The following PARD3 variants were observed in gnomAD, a reference collection of about 807,000 sequenced individuals.
The protein encoded by PARD3 is par-3 family cell polarity regulator, also known as partitioning defective 3 homolog.
Under a neutral mutation model 155.4 loss-of-function variants are expected in PARD3, and 75 were observed. That is an observed-to-expected ratio of 0.48 (90% CI 0.40 to 0.58). The LOEUF is 0.58. PARD3 is among the 20% of genes least tolerant of loss of function. The probability of loss-of-function intolerance (pLI) is 0.00; values close to 1 mark genes in which losing one functional copy is unlikely to be tolerated. For synonymous variants in PARD3, 576 were observed against 610.5 expected, an observed-to-expected ratio of 0.94 and a Z score of 0.83; for missense variants, 1,642 against 1,721.7, an observed-to-expected ratio of 0.95 and a Z score of 0.82.
At chr10:34,718,095 A>T (rs1345229181) in intron 1 of PARD3, among the ~76,000 whole-genome samples, 1 of 149,292 alleles carries the variant, frequency 6.7e-6, no homozygotes, top group Non-Finnish European at 1.5e-5. Context: ...AGGAGGCTGC[A>T]GTGAGCCAAG....
intron 13 of PARD3, 125 bp downstream of exon 13, chr10:34,359,946 T>G: frequency 1.4e-6 from 1 of 694,426 alleles, no homozygotes. Context: ...GTTGTTTAAA[T>G]GTGAATGTGG....
At chr10:34,597,111 G>C (rs2089342810) in intron 2 of PARD3, among the ~76,000 whole-genome samples, 1 of 152,080 alleles carries the variant, frequency 6.6e-6, no homozygotes, top group African/African-American at 2.4e-5. Flanking sequence ...AGTACTGAAA[G>C]GCATTAGCAA....
At position 34,814,975 on chromosome 10, in the gene PARD3, G is replaced by A. The variant is rs746783218; in HGVS notation, c.21C>T (p.Phe7=). 3.5e-5 allele frequency: 54 copies of A among 1,541,876 alleles called. No homozygotes were observed. The highest frequency in any genetic ancestry group is 1.9e-4 in the Middle Eastern group (1 of 5,338). The part of the protein sequence containing the change: MKVTVC[F]GRTRVVVPCG... ...ACGGCACGACCACCCGGGTCCGTCC[G>A]AAGCACACGGTCACTTTCATGCCGC... Residue 7 remains phenylalanine (F), a synonymous_variant, in exon 1 of 25, where the codon TTC becomes TTT. Transcript: ENST00000374788.
At chr10:34,607,160 C>T (rs541171346) in intron 2 of PARD3, among the ~76,000 whole-genome samples, 19 of 152,148 alleles carry the variant, frequency 1.2e-4, no homozygotes, top group African/African-American at 2.9e-4. Context: ...TTACAGATTT[C>T]GAAACTGACA....
intron 5 of PARD3, among the ~76,000 whole-genome samples, chr10:34,430,397 G>A (rs2075842213): frequency 6.6e-6 from 1 of 152,106 alleles, no homozygotes; most frequent in Non-Finnish European, 1.5e-5. Flanking sequence ...TCCATTTTAA[G>A]CAGCAAGTTG....
At chr10:34,350,364 G>A (rs1837919200) in intron 14 of PARD3, among the ~76,000 whole-genome samples, 1 of 152,152 alleles carries the variant, frequency 6.6e-6, no homozygotes, top group Non-Finnish European at 1.5e-5. Context: ...TTAAGCTTCG[G>A]TTGGGCACAG....
chr10:34,737,825 G>A (rs771416198), intron 1 of PARD3, among the ~76,000 whole-genome samples: 1 of 152,168 alleles, frequency 6.6e-6, no homozygotes, highest in Non-Finnish European at 1.5e-5. Context: ...AATGAACTAA[G>A]ACACACAGCA....
At chr10:34,211,932 A>T (rs911074343) in intron 22 of PARD3, among the ~76,000 whole-genome samples, 2 of 151,926 alleles carry the variant, frequency 1.3e-5, no homozygotes, top group African/African-American at 4.8e-5. Flanking sequence ...ATTTGGGGAC[A>T]CTACACTTCC....
rs778398416 is a variant in PARD3, at chr10:34,348,100, T to A, written c.2083A>T (p.Ser695Cys). 6 of 1,608,896 alleles carry A rather than the reference T, an allele frequency of 3.7e-6. No homozygotes were observed. Among genetic ancestry groups the A allele is most frequent in the South Asian group, 1.1e-5 (1 of 89,656 alleles). The change falls in exon 15 of 25, where the codon AGC becomes TGC. Residue 695 changes from serine to cysteine, a missense_variant. This residue lies in a region of PARD3 where 1,529 missense variants were observed against 1,587.3 expected (regional missense o/e 0.96). Coordinates refer to ENST00000374788, the MANE Select transcript of PARD3 (RefSeq NM_001184785.2). ...ATGGGCAGCTCAGGTCCAGGGGGGCTCCCAGGTGACTTCAGCTACAGAGTA... is the reference window on the plus strand; with the variant it reads ...ATGGGCAGCTCAGGTCCAGGGGGGCACCCAGGTGACTTCAGCTACAGAGTA... ...SKCNELKSPG[S>C]PPGPELPIET...
intron 1 of PARD3, among the ~76,000 whole-genome samples, chr10:34,747,866 C>A (rs527892387): frequency 6.6e-6 from 1 of 152,230 alleles, no homozygotes; most frequent in African/African-American, 2.4e-5. Flanking sequence ...GGCTCTCTCT[C>A]CCTGCCTTTC....
At chr10:34,659,532 G>A (rs2093268808) in intron 2 of PARD3, among the ~76,000 whole-genome samples, 1 of 152,102 alleles carries the variant, frequency 6.6e-6, no homozygotes, top group Non-Finnish European at 1.5e-5. Flanking sequence ...ATAGGATAAT[G>A]CTAGATGATA....
intron 7 of PARD3, among the ~76,000 whole-genome samples, chr10:34,395,002 A>G (rs952056057): frequency 4.6e-5 from 7 of 151,948 alleles, no homozygotes; most frequent in Non-Finnish European, 7.4e-5. Flanking sequence ...CTTCCTGAAA[A>G]TAGTGGCATT....
chr10:34,377,734 T>C (rs1841395564), intron 10 of PARD3, among the ~76,000 whole-genome samples: 1 of 152,016 alleles, frequency 6.6e-6, no homozygotes, highest in Non-Finnish European at 1.5e-5. Flanking sequence ...CAAGACCAGC[T>C]GGGGCAACAT....
In PARD3 at chr10:34,633,002, G is replaced by A. The variant is rs113988183; in HGVS notation, c.222+63316C>T. 2.3e-3 allele frequency among the ~76,000 whole-genome samples: 350 copies of A among 152,230 alleles called. 3 individuals carry two copies. Among genetic ancestry groups the A allele is most frequent in the African/African-American group, 7.9e-3 (327 of 41,532 alleles). Reference sequence around the variant, plus strand: ...ACAGAGCGGGGCTTTCACCCCCAGGGGCTCGCCTGACTTGGAGGCTCAAGA... The same window carrying A: ...ACAGAGCGGGGCTTTCACCCCCAGGAGCTCGCCTGACTTGGAGGCTCAAGA... On this transcript the variant is annotated intron_variant, in intron 2 of 24. Transcript: ENST00000374788.
intron 2 of PARD3, among the ~76,000 whole-genome samples, chr10:34,684,864 T>C (rs1266930839): frequency 1.8e-5 from 2 of 114,124 alleles, no homozygotes; most frequent in Non-Finnish European, 3.6e-5. Flanking sequence ...TACATGTATA[T>C]ATATACACAC....
In PARD3 at chr10:34,269,194, T is replaced by C. The variant is rs549546335; in HGVS notation, c.3419+463A>G. Among the ~76,000 whole-genome samples the C allele has an allele frequency of 2.0e-5, 3 of 152,276 alleles. No homozygotes were observed. In the South Asian group the frequency reaches 6.2e-4, roughly 32 times the overall value. On this transcript the variant is annotated intron_variant, in intron 22 of 24. Transcript: ENST00000374788. Reference sequence around the variant, plus strand: ...GCAATCTGTTATACTATATTATTCTTCTCATTTACCGATTCTTTCATAATA... The same window carrying C: ...GCAATCTGTTATACTATATTATTCTCCTCATTTACCGATTCTTTCATAATA...
At chr10:34,742,350 A>G (rs1220098590) in intron 1 of PARD3, among the ~76,000 whole-genome samples, 1 of 152,198 alleles carries the variant, frequency 6.6e-6, no homozygotes, top group African/African-American at 2.4e-5. Flanking sequence ...AACAAAAGAG[A>G]TTGTTCAGCT....
chr10:34,809,140 A>G (rs1318048264), intron 1 of PARD3, among the ~76,000 whole-genome samples: 2 of 152,254 alleles, frequency 1.3e-5, no homozygotes, highest in East Asian at 1.9e-4. Context: ...TGTTTGTGCC[A>G]GTAGGTCAAA....
At chr10:34,730,611 T>C (rs1404056725) in intron 1 of PARD3, among the ~76,000 whole-genome samples, 1 of 152,046 alleles carries the variant, frequency 6.6e-6, no homozygotes, top group African/African-American at 2.4e-5. Flanking sequence ...CGGCAAGCCA[T>C]CGTCTCTACA....
Sources: allele counts gnomAD v4.1 joint callset (sites outside exome capture counted in the v4.1 genomes callset), GRCh38; gene constraint gnomAD v4.1.1; regional missense constraint gnomAD v4.1.1; transcripts MANE v1.5; gene names NCBI Gene and HGNC (gene_info 2026-07-23, HGNC 2026-07-21).